ERICH5: variants seen among roughly 807,000 people sequenced by gnomAD.
The protein encoded by ERICH5 is glutamate rich 5.
A neutral mutation model predicts 28.0 loss-of-function variants in ERICH5; 24 were observed. The ratio of observed to expected loss-of-function variants is 0.86; its 90% CI spans 0.62 to 1.21. The LOEUF is 1.21. Among genes scored for constraint, ERICH5 ranks in the 50% most tolerant of loss-of-function variants. The pLI is 0.00. For missense variants in ERICH5, 421 were observed against 441.2 expected (o/e 0.95, Z 0.41); for synonymous variants, 163 against 157.6 (o/e 1.03, Z -0.25).
intron 1 of ERICH5, among the ~76,000 whole-genome samples, chr8:98,079,810 G>A (rs1437656547): frequency 6.6e-6 from 1 of 152,134 alleles, no homozygotes; most frequent in African/African-American, 2.4e-5. Context: ...AAAGTGCTGG[G>A]ATTACAGGGT....
chr8:98,077,263 G>A (rs959901747), intron 1 of ERICH5, among the ~76,000 whole-genome samples: 4 of 152,162 alleles, frequency 2.6e-5, no homozygotes, highest in African/African-American at 9.7e-5. Context: ...GAGGAGCATG[G>A]TGGCAAGTCC....
intron 2 of ERICH5, among the ~76,000 whole-genome samples, chr8:98,091,427 G>A (rs1039208267): frequency 6.6e-6 from 1 of 152,172 alleles, no homozygotes; most frequent in African/African-American, 2.4e-5. Context: ...GAAGGGCCCT[G>A]GGAACAACTT....
rs184156585 is a variant in ERICH5 at position 98,076,274 on chromosome 8, G to A, written c.58+11547G>A. Among the ~76,000 whole-genome samples, 19 of 151,868 alleles carry A rather than the reference G, an allele frequency of 1.3e-4. No individual in the cohort carries two copies. In the East Asian group the frequency reaches 3.7e-3, roughly 30 times the overall value. ...TCACTATGTTGGCCAGGCTGGTCTCGAACTCCTGACCTCAAGTGATTCGCC... is the reference window on the plus strand; with the variant it reads ...TCACTATGTTGGCCAGGCTGGTCTCAAACTCCTGACCTCAAGTGATTCGCC... On this transcript the variant is annotated intron_variant, in intron 1 of 2. Coordinates refer to ENST00000318528, the MANE Select transcript of ERICH5 (RefSeq NM_173549.3).
chr8:98,089,844 T>C lies in ERICH5; in HGVS notation c.827T>C (p.Leu276Pro). 1.2e-6 allele frequency: 2 copies of C among 1,614,196 alleles called. No homozygotes were observed. The highest frequency in any genetic ancestry group is 1.7e-6 in the Non-Finnish European group (2 of 1,180,036). ...CCAGAAGTATTGGACAGAAGTCAGCTTGTGGAAAAGCCTGTTATGAATGAT... is the reference window on the plus strand; with the variant it reads ...CCAGAAGTATTGGACAGAAGTCAGCCTGTGGAAAAGCCTGTTATGAATGAT... ...VTPEVLDRSQ[L>P]VEKPVMNDPF... Residue 276 changes from leucine (L) to proline (P), a missense_variant, in exon 2 of 3, where the codon CTT (leucine) becomes CCT (proline). Leu to Pro is a moderately conservative substitution (Grantham distance 98, BLOSUM62 -3). Transcript: ENST00000318528.
intron 1 of ERICH5, among the ~76,000 whole-genome samples, chr8:98,066,133 C>T (rs1391926804): frequency 6.6e-6 from 1 of 152,134 alleles, no homozygotes; most frequent in African/African-American, 2.4e-5. Context: ...CCTAAAGAAC[C>T]CAGAGCTTCC....
intron 1 of ERICH5, among the ~76,000 whole-genome samples, chr8:98,078,150 A>G (rs1056775730): frequency 3.3e-5 from 5 of 152,224 alleles, no homozygotes; most frequent in Non-Finnish European, 7.3e-5. Flanking sequence ...GGGAATTAGC[A>G]TTTGTGCCAT....
At chr8:98,082,595 A>C (rs1253011818) in intron 1 of ERICH5, among the ~76,000 whole-genome samples, 4 of 151,666 alleles carry the variant, frequency 2.6e-5, no homozygotes, top group Non-Finnish European at 5.9e-5. Flanking sequence ...CAGTGAGCCA[A>C]GATCACACCA....
rs936503518 is a variant in ERICH5, at chr8:98,093,523, C to T, written c.*190C>T. ...TATATTGTTCTGCAAAACTGCTAAG[C>T]CATGAACAGTTTTCTTAGCTACTTA... On this transcript the variant is annotated 3_prime_UTR_variant, in exon 3 of 3. Transcript: ENST00000318528. 1 of 427,226 alleles carries T rather than the reference C, an allele frequency of 2.3e-6. No homozygotes were observed. The highest frequency in any genetic ancestry group is 4.2e-6 in the Non-Finnish European group (1 of 240,892). 26.5% of individuals were successfully genotyped at this position (427,226 alleles called of 1,614,324 possible).
At chr8:98,073,434 A>ATATATATATATATATATATATATG (rs1814963140) in intron 1 of ERICH5, among the ~76,000 whole-genome samples, 1 of 23,404 alleles carries the variant, frequency 4.3e-5, no homozygotes, top group Non-Finnish European at 6.8e-5. Context: ...CTCTCTCTCT[A>ATATATATATATATATATATATATG]TATATATATA....
In ERICH5 at chr8:98,089,908, G is replaced by A. The variant is rs999891963; in HGVS notation, c.891G>A (p.Glu297=). 4.3e-6 allele frequency: 7 copies of A among 1,614,226 alleles called. No individual in the cohort carries two copies. Among genetic ancestry groups the A allele is most frequent in the Non-Finnish European group, 5.9e-6 (7 of 1,180,036 alleles). ...HKTPEGPGNM[E]QIQPEGIVGS... ...CTCCTGAAGGTCCAGGAAACATGGA[G>A]CAGATTCAACCTGAAGGAATAGTTG... The change falls in exon 2 of 3, where the codon GAG becomes GAA. Residue 297 remains glutamate (E), a synonymous_variant. Transcript: ENST00000318528.
At chr8:98,086,363 G>C (rs989179244) in intron 1 of ERICH5, among the ~76,000 whole-genome samples, 6 of 152,158 alleles carry the variant, frequency 3.9e-5, no homozygotes, top group Non-Finnish European at 8.8e-5. Context: ...TGGTACCTCA[G>C]TAAGTCCTTC....
chr8:98,074,588 A>G (rs1815016584), intron 1 of ERICH5, among the ~76,000 whole-genome samples: 1 of 151,702 alleles, frequency 6.6e-6, no homozygotes, highest in South Asian at 2.1e-4. Flanking sequence ...TTGTAAAGAC[A>G]AGGTCTCACT....
At chr8:98,083,948 A>G (rs1815226185) in intron 1 of ERICH5, among the ~76,000 whole-genome samples, 1 of 152,102 alleles carries the variant, frequency 6.6e-6, no homozygotes, top group Non-Finnish European at 1.5e-5. Flanking sequence ...TGGCACGATC[A>G]CAGCTCACTG....
chr8:98,065,129 A>G (rs1351074605), intron 1 of ERICH5, among the ~76,000 whole-genome samples: 5 of 152,194 alleles, frequency 3.3e-5, no homozygotes, highest in Non-Finnish European at 7.4e-5. Context: ...GACGACTGCA[A>G]TCTCAGCACT....
At chr8:98,080,475 G>A (rs111463989) in intron 1 of ERICH5, among the ~76,000 whole-genome samples, 12 of 152,178 alleles carry the variant, frequency 7.9e-5, no homozygotes, top group African/African-American at 2.4e-4. Context: ...ATGTAATCTG[G>A]AGCCAGAAAG....
intron 1 of ERICH5, among the ~76,000 whole-genome samples, chr8:98,079,330 C>T (rs986774873): frequency 6.6e-6 from 1 of 151,674 alleles, no homozygotes; most frequent in Non-Finnish European, 1.5e-5. Flanking sequence ...GCCACCATGC[C>T]CAGCTAATCC....
chr8:98,091,745 A>G (rs1815385961), intron 2 of ERICH5, among the ~76,000 whole-genome samples: 1 of 152,214 alleles, frequency 6.6e-6, no homozygotes. Context: ...GTTTTTAAAC[A>G]CATAATGGCC....
chr8:98,089,865 A>G lies in ERICH5; in HGVS notation c.848A>G (p.Asn283Ser), dbSNP rs1188840358. 2 of 1,614,220 alleles carry G rather than the reference A, an allele frequency of 1.2e-6. No individual in the cohort carries two copies. Among genetic ancestry groups the G allele is most frequent in the South Asian group, 1.1e-5 (1 of 91,080 alleles). The change falls in exon 2 of 3, where the codon AAT (asparagine) becomes AGT (serine). Residue 283 changes from asparagine to serine, a missense_variant. Physicochemically the swap from Asn to Ser is conservative, Grantham distance 46 (BLOSUM62 1). Coordinates refer to ENST00000318528, the MANE Select transcript of ERICH5 (RefSeq NM_173549.3). ...CAGCTTGTGGAAAAGCCTGTTATGA[A>G]TGATCCATTCCATAAAACTCCTGAA... ...RSQLVEKPVM[N>S]DPFHKTPEGP...
At chr8:98,086,965 A>G (rs1815293310) in intron 1 of ERICH5, among the ~76,000 whole-genome samples, 1 of 151,874 alleles carries the variant, frequency 6.6e-6, no homozygotes, top group Non-Finnish European at 1.5e-5. Flanking sequence ...AAAAAAAAAA[A>G]AAGGAAATGT....
Sources: allele counts gnomAD v4.1 joint callset (sites outside exome capture counted in the v4.1 genomes callset), GRCh38; gene constraint gnomAD v4.1.1; transcripts MANE v1.5; gene names NCBI Gene and HGNC (gene_info 2026-07-23, HGNC 2026-07-21).